The following CAMTA1 variants were observed in gnomAD, a reference collection of about 807,000 sequenced individuals.
The protein encoded by CAMTA1 is calmodulin binding transcription activator 1.
A neutral mutation model predicts 170.9 loss-of-function variants in CAMTA1; 27 were observed. The observed-to-expected ratio is 0.16, with a 90% CI of 0.12 to 0.22. The LOEUF (loss-of-function observed/expected upper bound fraction) is 0.22. Ranked by LOEUF, CAMTA1 falls within the 10% of genes least tolerant of loss-of-function variation. The pLI is 1.00. For missense variants in CAMTA1, 1,619 were observed against 2,217.2 expected (o/e 0.73, Z 5.42); for synonymous variants, 833 against 891.5 (o/e 0.93, Z 1.17).
At chr1:7,500,532 C>T (rs577015506) in intron 6 of CAMTA1, among the ~76,000 whole-genome samples, 10 of 152,130 alleles carry the variant, frequency 6.6e-5, no homozygotes, top group African/African-American at 9.7e-5. Flanking sequence ...CAGGCTACTG[C>T]GCCCACTCTG....
chr1:6,927,329 A>G (rs1235446879), intron 3 of CAMTA1, among the ~76,000 whole-genome samples: 1 of 152,214 alleles, frequency 6.6e-6, no homozygotes, highest in Non-Finnish European at 1.5e-5. Flanking sequence ...CACTGCACCC[A>G]GCCGCCTCAG....
chr1:7,014,744 GC>G lies in CAMTA1; in HGVS notation c.235-76558del, dbSNP rs1282494198. 1.3e-5 allele frequency among the ~76,000 whole-genome samples: 2 copies of G among 152,170 alleles called. No individual in the cohort carries two copies. Among genetic ancestry groups the G allele is most frequent in the Admixed American group, 6.5e-5 (1 of 15,286 alleles). ...TAAGAGGTGGGACTCAGCCGAGGGG[GC>G]CAGTCTAGAGGTTACACATTCTGAG... On this transcript the variant is annotated intron_variant, in intron 3 of 22. Transcript: ENST00000303635. The surrounding 1 kb of genome is among the most constrained non-coding windows in gnomAD (Gnocchi z 4.2).
At chr1:7,107,888 G>A (rs896702666) in intron 4 of CAMTA1, among the ~76,000 whole-genome samples, 1 of 152,218 alleles carries the variant, frequency 6.6e-6, no homozygotes, top group Non-Finnish European at 1.5e-5. Context: ...AAATGGAAGT[G>A]TTTACAAGGT....
intron 6 of CAMTA1, among the ~76,000 whole-genome samples, chr1:7,638,673 C>A (rs2095735618): frequency 6.6e-6 from 1 of 152,112 alleles, no homozygotes; most frequent in South Asian, 2.1e-4. Context: ...GAAATACCCT[C>A]TGATTGAGAT....
chr1:6,910,335 A>G (rs1378577561), intron 3 of CAMTA1, among the ~76,000 whole-genome samples: 2 of 152,208 alleles, frequency 1.3e-5, no homozygotes, highest in Non-Finnish European at 2.9e-5. Context: ...CCAGTATGGC[A>G]ACTGTTTTTT....
At chr1:6,883,566 A>G (rs556023681) in intron 3 of CAMTA1, among the ~76,000 whole-genome samples, 1 of 152,160 alleles carries the variant, frequency 6.6e-6, no homozygotes, top group Non-Finnish European at 1.5e-5. Context: ...GTGAGGATTG[A>G]GGATAGACCA....
chr1:7,379,806 C>T (rs1448715889), intron 5 of CAMTA1, among the ~76,000 whole-genome samples: 1 of 152,238 alleles, frequency 6.6e-6, no homozygotes, highest in Non-Finnish European at 1.5e-5. Context: ...CTTGCCTCTT[C>T]CTCCTAAGGA....
chr1:7,718,475 C>A (rs775402204), intron 11 of CAMTA1, among the ~76,000 whole-genome samples: 5 of 151,594 alleles, frequency 3.3e-5, no homozygotes, highest in Non-Finnish European at 7.4e-5. Context: ...TTCCATTTTC[C>A]TTTATATAAC....
chr1:7,471,510 G>A (rs2093329458), intron 6 of CAMTA1, among the ~76,000 whole-genome samples: 1 of 152,248 alleles, frequency 6.6e-6, no homozygotes, highest in African/African-American at 2.4e-5. Context: ...GCATTGCTGG[G>A]GGCTCTGTGT....
At chr1:7,335,159 G>A in intron 5 of CAMTA1, among the ~76,000 whole-genome samples, 1 of 12,918 alleles carries the variant, frequency 7.7e-5, no homozygotes, top group South Asian at 3.2e-3. Flanking sequence ...GGGGGGGGGT[G>A]GGGGTGGGGG....
chr1:7,209,979 G>A lies in CAMTA1; in HGVS notation c.303-39512G>A, dbSNP rs74545271. Among the ~76,000 whole-genome samples, 134 of 152,292 alleles carry A rather than the reference G, an allele frequency of 8.8e-4. 1 individual carries two copies. Among genetic ancestry groups the A allele is most frequent in the African/African-American group, 3.1e-3 (129 of 41,554 alleles). On this transcript the variant is annotated intron_variant, in intron 4 of 22. Transcript: ENST00000303635. ...ATGCACATGACTGAACCATTTGAAA[G>A]TAAGTTTCAGACATGATGCCCCGTT... is the stretch of plus-strand genomic sequence containing the variant.
intron 5 of CAMTA1, among the ~76,000 whole-genome samples, chr1:7,460,195 TC>T (rs2093050044): frequency 6.6e-6 from 1 of 152,222 alleles, no homozygotes; most frequent in Admixed American, 6.5e-5. Context: ...CGCCGTCCTC[TC>T]CCGTGGCGGC....
At chr1:7,350,941 T>TG (rs375788929) in intron 5 of CAMTA1, among the ~76,000 whole-genome samples, 156 of 152,374 alleles carry the variant, frequency 1.0e-3, no homozygotes, top group African/African-American at 3.6e-3. Context: ...TCCTTACACG[T>TG]GGCCCAAGCT....
chr1:6,896,729 A>G (rs1160999622), intron 3 of CAMTA1, among the ~76,000 whole-genome samples: 1 of 152,132 alleles, frequency 6.6e-6, no homozygotes, highest in Non-Finnish European at 1.5e-5. Context: ...TAGGGAAGAA[A>G]AGAATCACGT....
chr1:7,273,547 TTAA>T (rs1264218678), intron 5 of CAMTA1, among the ~76,000 whole-genome samples: 2 of 152,102 alleles, frequency 1.3e-5, no homozygotes, highest in Non-Finnish European at 2.9e-5. Flanking sequence ...AGAAAGCAGA[TTAA>T]TAATTGCCTA....
intron 6 of CAMTA1, among the ~76,000 whole-genome samples, chr1:7,552,904 T>C (rs539910280): frequency 6.6e-6 from 1 of 152,254 alleles, no homozygotes; most frequent in East Asian, 1.9e-4. Flanking sequence ...ACCCTGTTTC[T>C]CTCCTGCCCT....
chr1:6,878,677 A>G (rs1670618907), intron 3 of CAMTA1, among the ~76,000 whole-genome samples: 1 of 152,188 alleles, frequency 6.6e-6, no homozygotes, highest in African/African-American at 2.4e-5. Flanking sequence ...TCCCCCAAGG[A>G]TCCCCAGCGA....
rs1300070566 is a variant in CAMTA1, at chr1:7,435,837, G to C, written c.439-31993G>C. On this transcript the variant is annotated intron_variant, in intron 5 of 22. Coordinates refer to ENST00000303635, the MANE Select transcript of CAMTA1 (RefSeq NM_015215.4). The surrounding 1 kb of genome is among the most constrained non-coding windows in gnomAD (Gnocchi z 4.4). ...GCCACCCTCCCATTCCTGCACCCTTGCCTTCTGGCAGGGCTTGCATGCCTC... is the reference window on the plus strand; with the variant it reads ...GCCACCCTCCCATTCCTGCACCCTTCCCTTCTGGCAGGGCTTGCATGCCTC... 6.6e-6 allele frequency among the ~76,000 whole-genome samples: 1 copy of C among 152,176 alleles called. No individual in the cohort carries two copies. The highest frequency in any genetic ancestry group is 2.4e-5 in the African/African-American group (1 of 41,460).
intron 3 of CAMTA1, among the ~76,000 whole-genome samples, chr1:6,892,597 C>CTTTTTTTTTTTTTT (rs70984032): frequency 8.3e-6 from 1 of 120,874 alleles, no homozygotes. Flanking sequence ...TTTTTCTTTT[C>CTTTTTTTTTTTTTT]TTTTTTTTTT....
Sources: allele counts gnomAD v4.1 joint callset (sites outside exome capture counted in the v4.1 genomes callset), GRCh38; gene constraint gnomAD v4.1.1; non-coding constraint Gnocchi (gnomAD v3.1); transcripts MANE v1.5; gene names NCBI Gene and HGNC (gene_info 2026-07-23, HGNC 2026-07-21).